The following PAPSS2 variants were observed in gnomAD, a reference collection of about 807,000 sequenced individuals.
PAPSS2 encodes the protein bifunctional 3'-phosphoadenosine 5'-phosphosulfate synthase 2.
In PAPSS2, 61 loss-of-function variants were observed where a neutral mutation model predicts 66.5. The ratio of observed to expected loss-of-function variants is 0.92; its 90% CI spans 0.75 to 1.14. PAPSS2 has a LOEUF of 1.14. Ranked by LOEUF, PAPSS2 falls within the 50% of genes most tolerant of loss-of-function variation. The probability of loss-of-function intolerance (pLI) is 0.00; values close to 1 mark genes in which losing one functional copy is unlikely to be tolerated. For synonymous variants in PAPSS2, 289 were observed against 287.5 expected (o/e 1.01, Z -0.05); for missense variants, 708 against 789.6 (o/e 0.90, Z 1.24).
chr10:87,676,568 T>G (rs1852950434), intron 1 of PAPSS2, among the ~76,000 whole-genome samples: 1 of 152,088 alleles, frequency 6.6e-6, no homozygotes, highest in African/African-American at 2.4e-5. Context: ...TTTGTACCTT[T>G]TCAACACAAG....
chr10:87,661,028 G>A (rs1852745803), intron 1 of PAPSS2: 1 of 455,960 alleles, frequency 2.2e-6, no homozygotes, highest in Non-Finnish European at 4.4e-6. Flanking sequence ...CCTCTCTCTA[G>A]TAGATAGACG....
chr10:87,695,809 T>C (rs911216485), intron 1 of PAPSS2, among the ~76,000 whole-genome samples: 1 of 152,240 alleles, frequency 6.6e-6, no homozygotes, highest in Non-Finnish European at 1.5e-5. Context: ...GCAAGCCATG[T>C]TCCAAGGGTA....
At chr10:87,675,739 A>G (rs1212591650) in intron 1 of PAPSS2, among the ~76,000 whole-genome samples, 5 of 152,138 alleles carry the variant, frequency 3.3e-5, no homozygotes, top group African/African-American at 1.2e-4. Flanking sequence ...GCTTCACAAA[A>G]TATTGATGCC....
At chr10:87,671,412 C>T (rs991228838) in intron 1 of PAPSS2, among the ~76,000 whole-genome samples, 2 of 152,200 alleles carry the variant, frequency 1.3e-5, no homozygotes, top group African/African-American at 4.8e-5. Context: ...TTGGATGAGG[C>T]TCTGTGGCCA....
intron 2 of PAPSS2, among the ~76,000 whole-genome samples, chr10:87,711,150 A>G (rs1420371259): frequency 6.6e-6 from 1 of 152,128 alleles, no homozygotes; most frequent in African/African-American, 2.4e-5. Flanking sequence ...TTTAGCCCCA[A>G]CTCCACCTCC....
intron 8 of PAPSS2, among the ~76,000 whole-genome samples, chr10:87,722,543 A>T (rs189403542): frequency 2.6e-5 from 4 of 152,370 alleles, no homozygotes; most frequent in African/African-American, 9.6e-5. Context: ...ATTCCATTGA[A>T]CAATAAGCTA....
intron 1 of PAPSS2, among the ~76,000 whole-genome samples, chr10:87,664,285 T>C (rs1013605530): frequency 6.6e-6 from 1 of 152,216 alleles, no homozygotes; most frequent in African/African-American, 2.4e-5. Flanking sequence ...TGAATTCTTA[T>C]TGTGATAGGC....
At chr10:87,733,476 A>G (rs993012773) in intron 9 of PAPSS2, among the ~76,000 whole-genome samples, 10 of 152,132 alleles carry the variant, frequency 6.6e-5, no homozygotes, top group Admixed American at 4.6e-4. Flanking sequence ...CCTGTTTTGC[A>G]CTCTACATTT....
chr10:87,719,540 TGAGCCCAG>T (rs1853570646), intron 7 of PAPSS2, among the ~76,000 whole-genome samples: 2 of 152,204 alleles, frequency 1.3e-5, no homozygotes, highest in Admixed American at 1.3e-4. Context: ...GAGGATCACT[TGAGCCCAG>T]GAGCTAGAGT....
At chr10:87,744,070 C>G (rs989250696) in intron 11 of PAPSS2, among the ~76,000 whole-genome samples, 2 of 152,052 alleles carry the variant, frequency 1.3e-5, no homozygotes, top group Non-Finnish European at 2.9e-5. Flanking sequence ...CCACTGCACT[C>G]CAGCCTGGGC....
chr10:87,736,890 C>T (rs1361030888), intron 9 of PAPSS2, among the ~76,000 whole-genome samples: 1 of 152,168 alleles, frequency 6.6e-6, no homozygotes, highest in African/African-American at 2.4e-5. Flanking sequence ...TGTGGGTCCT[C>T]TGGATTGATT....
At chr10:87,665,016 A>G (rs2131892563) in intron 1 of PAPSS2, among the ~76,000 whole-genome samples, 1 of 152,254 alleles carries the variant, frequency 6.6e-6, no homozygotes, top group Non-Finnish European at 1.5e-5. Flanking sequence ...ATTTTTTCCT[A>G]GATTCCTCAC....
chr10:87,686,894 G>A (rs764926529), intron 1 of PAPSS2, among the ~76,000 whole-genome samples: 2 of 152,174 alleles, frequency 1.3e-5, no homozygotes, highest in Admixed American at 1.3e-4. Flanking sequence ...TGGAATAAAT[G>A]CAAGGTTAGG....
chr10:87,696,421 C>T (rs141906255), intron 1 of PAPSS2, among the ~76,000 whole-genome samples: 215 of 152,292 alleles, frequency 1.4e-3, no homozygotes, highest in African/African-American at 5.1e-3. Flanking sequence ...TTAATCTCAC[C>T]TCCACTTTGG....
chr10:87,681,995 A>G (rs548332002), intron 1 of PAPSS2, among the ~76,000 whole-genome samples: 1 of 152,254 alleles, frequency 6.6e-6, no homozygotes, highest in Non-Finnish European at 1.5e-5. Flanking sequence ...AAGAATGGAC[A>G]TGAAGAATTT....
intron 7 of PAPSS2, among the ~76,000 whole-genome samples, chr10:87,718,217 A>G (rs1853555041): frequency 6.6e-6 from 1 of 151,844 alleles, no homozygotes; most frequent in Admixed American, 6.6e-5. Flanking sequence ...TTTAGTAGAG[A>G]CAGGGTTTCA....
At chr10:87,728,408 G>A (rs547476618) in intron 9 of PAPSS2, among the ~76,000 whole-genome samples, 3 of 152,172 alleles carry the variant, frequency 2.0e-5, no homozygotes, top group Non-Finnish European at 4.4e-5. Flanking sequence ...ATTAGACAAG[G>A]CATGCCCTCC....
Position 87,709,148 on chromosome 10 carries a change from A to G in PAPSS2, c.28-48A>G, listed in dbSNP as rs142607573. On this transcript the variant is annotated intron_variant, in intron 1 of 12. Transcript: ENST00000456849. ...ATTTATATTGGCTCCAGTGAAGAAT[A>G]TGTGTTTTATTAATTAATACTGTGC... 7 of 1,196,312 alleles carry G rather than the reference A, an allele frequency of 5.9e-6. No homozygotes were observed. In the South Asian group the frequency reaches 6.1e-5, roughly 10 times the overall value. The allele number at this position is 1,196,312 out of a possible 1,614,324, so 74.1% of individuals were successfully genotyped here.
At chr10:87,743,796 C>A (rs1853903360) in intron 11 of PAPSS2, among the ~76,000 whole-genome samples, 155 bp downstream of exon 11, 2 of 152,042 alleles carry the variant, frequency 1.3e-5, no homozygotes, top group Non-Finnish European at 2.9e-5. Flanking sequence ...AATTATGTTT[C>A]CACTTAGTAT....
Sources: gnomAD v4.1 joint callset for allele counts (sites outside exome capture counted in the v4.1 genomes callset) on GRCh38, gnomAD v4.1.1 for gene constraint, MANE v1.5 for transcripts, NCBI Gene and HGNC (gene_info 2026-07-23, HGNC 2026-07-21) for gene names.